Variants in MRAP observed in about 807,000 individuals in gnomAD.
MRAP encodes melanocortin-2 receptor accessory protein.
In MRAP, 8 loss-of-function variants were observed where a neutral mutation model predicts 8.7. The ratio of observed to expected loss-of-function variants is 0.92; its 90% CI spans 0.54 to 1.66. The LOEUF (loss-of-function observed/expected upper bound fraction) is 1.66. Among genes scored for constraint, MRAP ranks in the 40% most tolerant of loss-of-function variants. The probability of loss-of-function intolerance (pLI) is 0.00; values close to 1 mark genes in which losing one functional copy is unlikely to be tolerated. For missense variants in MRAP, 237 were observed against 217.1 expected (o/e 1.09, Z -0.58); for synonymous variants, 95 against 95.5 (o/e 1.00, Z 0.03).
At chr21:32,311,558 T>G in intron 2 of MRAP, 126 bp from the exon 3 acceptor site, 1 of 1,379,618 alleles carries the variant, frequency 7.2e-7, no homozygotes, top group Non-Finnish European at 9.8e-7. Context: ...CTCAGGAATT[T>G]GCCTGTGTGG....
downstream of MRAP, chr21:32,314,185 T>G: frequency 5.2e-6 from 1 of 193,724 alleles, no homozygotes; most frequent in Non-Finnish European, 1.1e-5. Context: ...AAAACAAACT[T>G]TATTTTTTTA....
intron 1 of MRAP, among the ~76,000 whole-genome samples, chr21:32,299,366 G>A (rs528873870): frequency 3.2e-4 from 49 of 152,162 alleles, no homozygotes; most frequent in Non-Finnish European, 6.3e-4. Context: ...ATAGGGTCTA[G>A]CTCTGTTGCC....
At chr21:32,307,402 C>A (rs1391615886) in intron 2 of MRAP, among the ~76,000 whole-genome samples, 1 of 151,646 alleles carries the variant, frequency 6.6e-6, no homozygotes, top group African/African-American at 2.4e-5. Context: ...CTTGGTGAAA[C>A]CCTGTCTCTA....
chr21:32,311,582 G>A (rs2032572320), intron 2 of MRAP, 102 bp from the exon 3 acceptor site: 3 of 1,514,828 alleles, frequency 2.0e-6, no homozygotes, highest in Non-Finnish European at 2.7e-6. Context: ...TCCCTATGGG[G>A]TCCGGGCAGA....
rs1488398264 is a variant in MRAP at position 32,298,862 on chromosome 21, C to T, written c.-110C>T. ...CCTTGAGCCTAGAGACCCACAGACACACTTGGACGATTCCTGCAGAAATCA... is the reference window on the plus strand; with the variant it reads ...CCTTGAGCCTAGAGACCCACAGACATACTTGGACGATTCCTGCAGAAATCA... On this transcript the variant is annotated 5_prime_UTR_variant, in exon 1 of 3. Transcript: ENST00000303645. 9.0e-6 allele frequency: 7 copies of T among 780,918 alleles called. No individual in the cohort carries two copies. The highest frequency in any genetic ancestry group is 1.6e-5 in the Non-Finnish European group (7 of 446,524). 48.4% of individuals were successfully genotyped at this position (780,918 alleles called of 1,614,324 possible). A position where few individuals can be genotyped will look rare whatever the true frequency, so the allele number is the denominator to read the frequency against.
At chr21:32,314,165 T>G (rs1024044577), downstream of MRAP, 1 of 198,898 alleles carries the variant, frequency 5.0e-6, no homozygotes, top group Non-Finnish European at 1.0e-5. Context: ...TTGTTATGAC[T>G]TTTTATAGAA....
intron 2 of MRAP, among the ~76,000 whole-genome samples, chr21:32,310,302 G>C (rs2032526704): frequency 1.3e-5 from 2 of 150,832 alleles, no homozygotes; most frequent in Admixed American, 1.3e-4. Flanking sequence ...CAAGATTTAG[G>C]AGTCATTCCC....
At chr21:32,297,465 T>G (rs2032160341), upstream of MRAP, among the ~76,000 whole-genome samples, 1 of 152,222 alleles carries the variant, frequency 6.6e-6, no homozygotes, top group Non-Finnish European at 1.5e-5. Flanking sequence ...ATTGAGGTGC[T>G]GGGAGGGTGT....
intron 1 of MRAP, among the ~76,000 whole-genome samples, chr21:32,300,189 C>T (rs2032226661): frequency 6.6e-6 from 1 of 152,200 alleles, no homozygotes; most frequent in Non-Finnish European, 1.5e-5. Context: ...GAGTTCGAGG[C>T]CAGCCTGGGC....
chr21:32,310,070 A>G (rs999824899), intron 2 of MRAP, among the ~76,000 whole-genome samples: 2 of 152,194 alleles, frequency 1.3e-5, no homozygotes, highest in African/African-American at 4.8e-5. Context: ...CAGCCGCCCT[A>G]TGCCAGGGAA....
downstream of MRAP, chr21:32,312,437 C>A (rs2032604725): frequency 1.1e-5 from 7 of 652,186 alleles, no homozygotes; most frequent in Middle Eastern, 6.6e-4. Context: ...CCGGCTCCCC[C>A]AGATGTGATG....
downstream of MRAP, chr21:32,313,387 C>T (rs569557125): frequency 3.3e-5 from 5 of 152,344 alleles, no homozygotes; most frequent in East Asian, 5.8e-4. Context: ...AGGAAGAGAA[C>T]GCTTTGTTGG....
chr21:32,312,116 T>C lies in MRAP; in HGVS notation c.*120T>C. On this transcript the variant is annotated 3_prime_UTR_variant, in exon 3 of 3. Transcript: ENST00000303645. Reference sequence around the variant, plus strand: ...TAGCAGAAAGGGCACCTAGGTCAAGTGCAACTAGAGCAGGAGCATCCTATG... The same window carrying C: ...TAGCAGAAAGGGCACCTAGGTCAAGCGCAACTAGAGCAGGAGCATCCTATG... 6.4e-7 allele frequency: 1 copy of C among 1,562,692 alleles called. No homozygotes were observed. The highest frequency in any genetic ancestry group is 1.3e-5 in the African/African-American group (1 of 74,358).
chr21:32,311,799 G>A lies in MRAP; in HGVS notation c.322G>A (p.Ala108Thr), dbSNP rs139379303. 35 of 1,613,968 alleles carry A rather than the reference G, an allele frequency of 2.2e-5. No homozygotes were observed. Among genetic ancestry groups the A allele is most frequent in the Middle Eastern group, 3.3e-4 (2 of 6,084 alleles). The change falls in exon 3 of 3, where the codon GCG becomes ACG. Residue 108 changes from alanine to threonine, a missense_variant. Ala to Thr is a moderately conservative substitution (Grantham distance 58). Coordinates refer to ENST00000303645, the MANE Select transcript of MRAP (RefSeq NM_001379228.1). ...ACCCCTGGCAACCTCACAGGCTCAG[G>A]CGAGCTCAGTGGAGCCAGGGAGCAG... Reference protein sequence around the residue: ...REPLATSQAQASSVEPGSRTG... With the variant: ...REPLATSQAQTSSVEPGSRTG...
chr21:32,314,692 C>G (rs761560231), downstream of MRAP: 1 of 1,588,286 alleles, frequency 6.3e-7, no homozygotes, highest in East Asian at 2.2e-5. Context: ...GAAGTCCCCA[C>G]ATTCCTTGCA....
At position 32,312,146 on chromosome 21, in the gene MRAP, T is replaced by C; in HGVS notation, c.*150T>C. 2.0e-6 allele frequency: 3 copies of C among 1,532,506 alleles called. No homozygotes were observed. The highest frequency in any genetic ancestry group is 2.6e-6 in the Non-Finnish European group (3 of 1,144,416). The allele number at this position is 1,532,506 out of a possible 1,614,324, so 94.9% of individuals were successfully genotyped here. A position where few individuals can be genotyped will look rare whatever the true frequency, so the allele number is the denominator to read the frequency against. ...CTAGAGCAGGAGCATCCTATGCCTTTGACAAAGATTGCAGTGGCCCCTCGA... is the reference window on the plus strand; with the variant it reads ...CTAGAGCAGGAGCATCCTATGCCTTCGACAAAGATTGCAGTGGCCCCTCGA... On this transcript the variant is annotated 3_prime_UTR_variant, in exon 3 of 3. Transcript: ENST00000303645.
At chr21:32,311,459 GAA>G in intron 2 of MRAP, 1 of 443,752 alleles carries the variant, frequency 2.3e-6, no homozygotes, top group Non-Finnish European at 3.9e-6. Context: ...GGCCTCCAGG[GAA>G]AGACCTGAGG....
intron 1 of MRAP, among the ~76,000 whole-genome samples, chr21:32,304,396 C>G (rs1209085559): frequency 6.6e-6 from 1 of 152,138 alleles, no homozygotes; most frequent in East Asian, 1.9e-4. Flanking sequence ...GCAGGTGGAT[C>G]ATGAGGTCAG....
upstream of MRAP, among the ~76,000 whole-genome samples, chr21:32,298,588 G>A (rs138186377): frequency 1.8e-3 from 274 of 152,270 alleles, 1 homozygote; most frequent in African/African-American, 6.3e-3. Context: ...GACAAAAAGC[G>A]ATTGTCTTTC....
Sources: allele counts gnomAD v4.1 joint callset (sites outside exome capture counted in the v4.1 genomes callset), GRCh38; gene constraint gnomAD v4.1.1; transcripts MANE v1.5; gene names NCBI Gene and HGNC (gene_info 2026-07-23, HGNC 2026-07-21).